KCNH7: variants seen among roughly 807,000 people sequenced by gnomAD.
KCNH7 encodes voltage-gated inwardly rectifying potassium channel KCNH7.
A neutral mutation model predicts 120.8 loss-of-function variants in KCNH7; 49 were observed. The ratio of observed to expected loss-of-function variants is 0.41; its 90% CI spans 0.32 to 0.51. KCNH7 has a LOEUF of 0.51. Ranked by LOEUF, KCNH7 falls within the 20% of genes least tolerant of loss-of-function variation. The probability of loss-of-function intolerance (pLI) is 0.38; values close to 1 mark genes in which losing one functional copy is unlikely to be tolerated. For synonymous variants in KCNH7, 547 were observed against 516.1 expected (o/e 1.06, Z -0.81); for missense variants, 1,097 against 1,446.6 (o/e 0.76, Z 3.92).
At chr2:162,687,838 C>T (rs1559082458) in intron 2 of KCNH7, among the ~76,000 whole-genome samples, 1 of 152,084 alleles carries the variant, frequency 6.6e-6, no homozygotes, top group East Asian at 1.9e-4. Flanking sequence ...AGATGGGTTT[C>T]TAAGTAAAAT....
At position 162,484,248 on chromosome 2, in the gene KCNH7, C is replaced by CACACACAG. The variant is rs1333669546; in HGVS notation, c.1128+20194_1128+20195insCTGTGTGT. Among the ~76,000 whole-genome samples the CACACACAG allele has an allele frequency of 8.7e-5, 13 of 148,922 alleles. No homozygotes were observed. The East Asian group carries it at 2.3e-3, about 26-fold the overall frequency. The stretch of plus-strand genomic sequence containing the variant: ...ACACACACACACACACACACACACA[C>CACACACAG]AGAGAGACACACACACACAGTCTTA... On this transcript the variant is annotated intron_variant, in intron 6 of 15. Coordinates refer to ENST00000332142, the MANE Select transcript of KCNH7 (RefSeq NM_033272.4).
At chr2:162,596,137 C>T (rs960020087) in intron 2 of KCNH7, among the ~76,000 whole-genome samples, 6 of 152,072 alleles carry the variant, frequency 3.9e-5, no homozygotes, top group Middle Eastern at 3.4e-3. Flanking sequence ...CTTATCCAAA[C>T]GGATCTATAG....
intron 8 of KCNH7, among the ~76,000 whole-genome samples, chr2:162,429,809 T>G (rs1219502829): frequency 6.6e-6 from 1 of 151,512 alleles, no homozygotes. Flanking sequence ...TTTTATAGTT[T>G]TCATTAATTT....
At chr2:162,773,678 AT>A (rs1327264588) in intron 2 of KCNH7, among the ~76,000 whole-genome samples, 1 of 152,180 alleles carries the variant, frequency 6.6e-6, no homozygotes, top group Non-Finnish European at 1.5e-5. Flanking sequence ...AAAACTCAAC[AT>A]TTTTAAAACC....
chr2:162,817,419 T>C lies in KCNH7; in HGVS notation c.307+19118A>G, dbSNP rs565046660. ...TATTTTTCTTTATTATTGATTGGTGTACCATTGTCTGGCTACACCACAACT... is the reference window on the plus strand; with the variant it reads ...TATTTTTCTTTATTATTGATTGGTGCACCATTGTCTGGCTACACCACAACT... On this transcript the variant is annotated intron_variant, in intron 2 of 15. Transcript: ENST00000332142. Among the ~76,000 whole-genome samples, 12 of 152,268 alleles carry C rather than the reference T, an allele frequency of 7.9e-5. No individual in the cohort carries two copies. The East Asian group carries it at 2.3e-3, about 29-fold the overall frequency.
Position 162,400,271 on chromosome 2 carries a change from A to G in KCNH7, c.2325T>C (p.Cys775=), listed in dbSNP as rs1164141264. 5 of 1,612,406 alleles carry G rather than the reference A, an allele frequency of 3.1e-6. No homozygotes were observed. The highest frequency in any genetic ancestry group is 4.2e-6 in the Non-Finnish European group (5 of 1,178,972). ...AATAAAGTGCAGTGAGGACATCCCC[A>G]CAGTGAACGAGGGTGTCTCCTGGAG... The part of the protein sequence containing the change: ...HAPPGDTLVH[C]GDVLTALYFL... Residue 775 remains cysteine (C), a synonymous_variant, in exon 10 of 16, where the codon TGT becomes TGC. Coordinates refer to ENST00000332142, the MANE Select transcript of KCNH7 (RefSeq NM_033272.4).
At chr2:162,702,191 T>C (rs1686533879) in intron 2 of KCNH7, among the ~76,000 whole-genome samples, 1 of 152,048 alleles carries the variant, frequency 6.6e-6, no homozygotes, top group Non-Finnish European at 1.5e-5. Flanking sequence ...TGATAAAAAA[T>C]GTTCAGTATA....
At chr2:162,711,332 ATCTAT>A (rs887303600) in intron 2 of KCNH7, among the ~76,000 whole-genome samples, 1 of 152,182 alleles carries the variant, frequency 6.6e-6, no homozygotes, top group Non-Finnish European at 1.5e-5. Flanking sequence ...ACCACCATTA[ATCTAT>A]TAGTCTCTGG....
At chr2:162,493,631 A>G (rs541189272) in intron 6 of KCNH7, among the ~76,000 whole-genome samples, 2 of 152,332 alleles carry the variant, frequency 1.3e-5, no homozygotes, top group South Asian at 4.1e-4. Context: ...CTGGAGTCAG[A>G]TCTTATCTGT....
chr2:162,444,391 C>T (rs1266932550), intron 7 of KCNH7, among the ~76,000 whole-genome samples: 1 of 152,006 alleles, frequency 6.6e-6, no homozygotes, highest in Non-Finnish European at 1.5e-5. Flanking sequence ...CATCACTGAA[C>T]AATTCTAGGT....
chr2:162,541,525 TC>T (rs1478845373), intron 2 of KCNH7, among the ~76,000 whole-genome samples: 1 of 151,944 alleles, frequency 6.6e-6, no homozygotes, highest in Non-Finnish European at 1.5e-5. Context: ...AGGAATGAGA[TC>T]AGGTCTTTTT....
intron 2 of KCNH7, among the ~76,000 whole-genome samples, chr2:162,607,568 T>C (rs1682824859): frequency 6.6e-6 from 1 of 152,154 alleles, no homozygotes; most frequent in African/African-American, 2.4e-5. Flanking sequence ...GATTGCATAG[T>C]TGTTAAATTT....
intron 6 of KCNH7, among the ~76,000 whole-genome samples, chr2:162,502,676 T>C (rs567776472): frequency 1.3e-5 from 2 of 152,216 alleles, no homozygotes; most frequent in Non-Finnish European, 2.9e-5. Flanking sequence ...CTCCCTAATA[T>C]TCTTTATTAC....
At chr2:162,473,673 GATACAGAA>G (rs1208103967) in intron 6 of KCNH7, among the ~76,000 whole-genome samples, 3 of 152,132 alleles carry the variant, frequency 2.0e-5, no homozygotes, top group African/African-American at 7.2e-5. Context: ...AGGCTCTGTG[GATACAGAA>G]ATAAAAGACT....
intron 6 of KCNH7, among the ~76,000 whole-genome samples, chr2:162,493,230 T>C (rs1272091226): frequency 6.6e-6 from 1 of 152,104 alleles, no homozygotes; most frequent in South Asian, 2.1e-4. Context: ...CAAATGAAAA[T>C]TCTTACAACT....
At chr2:162,788,483 C>A (rs1647683743) in intron 2 of KCNH7, among the ~76,000 whole-genome samples, 1 of 151,942 alleles carries the variant, frequency 6.6e-6, no homozygotes, top group South Asian at 2.1e-4. Context: ...ATTTAAAATT[C>A]TTTAAAGAGC....
At chr2:162,454,288 C>T (rs1688883465) in intron 6 of KCNH7, among the ~76,000 whole-genome samples, 1 of 152,134 alleles carries the variant, frequency 6.6e-6, no homozygotes, top group Admixed American at 6.6e-5. Flanking sequence ...TCTGAGGCCT[C>T]TGTTCTGTTC....
At chr2:162,731,275 A>C (rs1305971622) in intron 2 of KCNH7, among the ~76,000 whole-genome samples, 1 of 148,914 alleles carries the variant, frequency 6.7e-6, no homozygotes, top group Non-Finnish European at 1.5e-5. Context: ...ATAATATATA[A>C]TATTAGTAAA....
At chr2:162,788,559 G>A (rs1683797786) in intron 2 of KCNH7, among the ~76,000 whole-genome samples, 1 of 151,992 alleles carries the variant, frequency 6.6e-6, no homozygotes, top group African/African-American at 2.4e-5. Context: ...CATTTGAAAT[G>A]ACCTAATTGG....
Sources: allele counts gnomAD v4.1 joint callset (sites outside exome capture counted in the v4.1 genomes callset), GRCh38; gene constraint gnomAD v4.1.1; transcripts MANE v1.5; gene names NCBI Gene and HGNC (gene_info 2026-07-23, HGNC 2026-07-21).